Variants in TSG101 observed in about 807,000 individuals in gnomAD.
TSG101 encodes tumor susceptibility 101.
A neutral mutation model predicts 48.5 loss-of-function variants in TSG101; 19 were observed. The observed-to-expected ratio is 0.39, with a 90% confidence interval of 0.27 to 0.58. The LOEUF (loss-of-function observed/expected upper bound fraction) is 0.58, where lower values mean the gene tolerates loss of function less well. Among genes scored for constraint, TSG101 ranks in the 20% least tolerant of loss-of-function variants. TSG101 has a pLI of 0.55. For synonymous variants in TSG101, 174 were observed against 169.4 expected, an observed-to-expected ratio of 1.03 and a Z score of -0.21; for missense variants, 365 against 484.4, an observed-to-expected ratio of 0.75 and a Z score of 2.31.
At chr11:18,520,196 C>T (rs1850246356) in intron 1 of TSG101, among the ~76,000 whole-genome samples, 2 of 152,062 alleles carry the variant, frequency 1.3e-5, no homozygotes, top group South Asian at 2.1e-4. Flanking sequence ...TTGAGATTAT[C>T]CACGTTGTAG....
At chr11:18,493,278 C>A (rs1300879944) in intron 7 of TSG101, among the ~76,000 whole-genome samples, 1 of 152,186 alleles carries the variant, frequency 6.6e-6, no homozygotes, top group African/African-American at 2.4e-5. Flanking sequence ...CAACACTCTA[C>A]ACTCAATGGA....
chr11:18,487,743 C>T (rs1849640898), intron 7 of TSG101, among the ~76,000 whole-genome samples: 1 of 152,170 alleles, frequency 6.6e-6, no homozygotes, highest in African/African-American at 2.4e-5. Context: ...TGCTATAATT[C>T]CTGGTTTGTA....
At chr11:18,523,091 G>C (rs1442378291) in intron 1 of TSG101, among the ~76,000 whole-genome samples, 3 of 152,090 alleles carry the variant, frequency 2.0e-5, no homozygotes, top group African/African-American at 7.2e-5. Context: ...ACAAGGTCAT[G>C]CTATGTTGCC....
chr11:18,486,794 T>A (rs1849626590), intron 7 of TSG101, among the ~76,000 whole-genome samples: 1 of 152,132 alleles, frequency 6.6e-6, no homozygotes, highest in Non-Finnish European at 1.5e-5. Flanking sequence ...TTATAAATCA[T>A]GCTGCTATAA....
intron 5 of TSG101, chr11:18,507,614 G>A (rs1011004605): frequency 2.0e-5 from 3 of 151,516 alleles, no homozygotes; most frequent in African/African-American, 7.3e-5. Flanking sequence ...CAACATAGAG[G>A]AAGAAAAAGA....
At chr11:18,502,689 T>C (rs1036542742) in intron 6 of TSG101, 112 bp from the exon 7 acceptor site, 1 of 741,530 alleles carries the variant, frequency 1.3e-6, no homozygotes, top group Non-Finnish European at 2.2e-6. Flanking sequence ...TACCAGTTGA[T>C]GAATTTATAG....
At position 18,481,739 on chromosome 11, in the gene TSG101, TATA is replaced by T; in HGVS notation, c.971_973del (p.Leu324del). ...TGCATACAGATTCAGGATCTGTTTGTATAAGGGAGCTGTGGGAATGATAACTTC... is the reference window on the plus strand; with the variant it reads ...TGCATACAGATTCAGGATCTGTTTGTAGGGAGCTGTGGGAATGATAACTTC... On this transcript the variant is annotated inframe_deletion, in exon 9 of 10. Transcript: ENST00000251968. 1 of 1,614,182 alleles carries T rather than the reference TATA, an allele frequency of 6.2e-7. No homozygotes were observed. The highest frequency in any genetic ancestry group is 8.5e-7 in the Non-Finnish European group (1 of 1,180,010).
intron 9 of TSG101, 54 bp from the exon 10 acceptor site, chr11:18,480,689 G>A: frequency 1.3e-6 from 2 of 1,518,986 alleles, no homozygotes; most frequent in Non-Finnish European, 1.8e-6. Flanking sequence ...TTAGGCCCAG[G>A]CATAAAATAG....
intron 7 of TSG101, among the ~76,000 whole-genome samples, chr11:18,499,695 G>A (rs1333034375): frequency 6.6e-6 from 1 of 151,498 alleles, no homozygotes; most frequent in Non-Finnish European, 1.5e-5. Flanking sequence ...ACAGGTGTGA[G>A]CCACTGTGCC....
At chr11:18,526,652 A>G (rs998931083) in intron 1 of TSG101, 123 bp downstream of exon 1, 19 of 1,204,572 alleles carry the variant, frequency 1.6e-5, no homozygotes, top group African/African-American at 3.1e-5. Context: ...GGAGGTCGCT[A>G]AGGACTGCAC....
intron 7 of TSG101, among the ~76,000 whole-genome samples, chr11:18,496,482 TAAAA>T (rs1849783278): frequency 1.4e-5 from 2 of 147,692 alleles, no homozygotes; most frequent in African/African-American, 4.9e-5. Flanking sequence ...TAAAATAAAA[TAAAA>T]TAAAATAAAA....
rs370924761 is a variant in TSG101 at position 18,521,026 on chromosome 11, G to A, written c.43-1423C>T. ...AGCCTGGGTGACAGAGCTAGACTCC[G>A]TCTTGGAAAAAAAAAAAAAAAATTT... is the stretch of plus-strand genomic sequence containing the variant. On this transcript the variant is annotated intron_variant, in intron 1 of 9. Coordinates refer to ENST00000251968, the MANE Select transcript of TSG101 (RefSeq NM_006292.4). Among the ~76,000 whole-genome samples, 28 of 149,470 alleles carry A rather than the reference G, an allele frequency of 1.9e-4. No individual in the cohort carries two copies. The East Asian group carries it at 2.5e-3, about 14-fold the overall frequency.
At chr11:18,512,049 GA>G (rs1850092875) in intron 4 of TSG101, among the ~76,000 whole-genome samples, 1 of 151,934 alleles carries the variant, frequency 6.6e-6, no homozygotes, top group African/African-American at 2.4e-5. Flanking sequence ...ATTCTTTGAA[GA>G]AAAAAATTAA....
chr11:18,514,591 A>C, intron 4 of TSG101, 87 bp downstream of exon 4: 4 of 1,147,042 alleles, frequency 3.5e-6, no homozygotes, highest in Non-Finnish European at 4.7e-6. Flanking sequence ...CCTACCTCGA[A>C]TCCTCCTTGA....
chr11:18,484,935 CTTTTT>C (rs529154247), intron 7 of TSG101, among the ~76,000 whole-genome samples: 5 of 108,026 alleles, frequency 4.6e-5, no homozygotes, highest in Admixed American at 2.4e-4. Flanking sequence ...TAATTGCCGC[CTTTTT>C]TTTTTTTTTT....
intron 1 of TSG101, among the ~76,000 whole-genome samples, chr11:18,522,134 T>C (rs1232897171): frequency 2.0e-5 from 3 of 152,220 alleles, no homozygotes; most frequent in Non-Finnish European, 2.9e-5. Flanking sequence ...TTCTTCTCTA[T>C]CTAAACTCAT....
chr11:18,506,083 C>T lies in TSG101; in HGVS notation c.548+774G>A, dbSNP rs148951774. Among the ~76,000 whole-genome samples the T allele has an allele frequency of 2.2e-4, 33 of 152,192 alleles. 2 individuals are homozygous for T. Among genetic ancestry groups the T allele is most frequent in the African/African-American group, 7.9e-4 (33 of 41,540 alleles). On this transcript the variant is annotated intron_variant, in intron 6 of 9. Transcript: ENST00000251968. Reference sequence around the variant, plus strand: ...CAGGTGATCCGCCTGCATCGGCCTCCGAAAGTGCTGGGTAAGATTACAGGT... The same window carrying T: ...CAGGTGATCCGCCTGCATCGGCCTCTGAAAGTGCTGGGTAAGATTACAGGT...
rs780491720 is a variant in TSG101 at position 18,502,543 on chromosome 11, G to C, written c.583C>G (p.Pro195Ala). 7.4e-6 allele frequency: 12 copies of C among 1,613,082 alleles called. No individual in the cohort carries two copies. The highest frequency in any genetic ancestry group is 9.3e-6 in the Non-Finnish European group (11 of 1,179,624). Residue 195 changes from proline to alanine, a missense_variant, in exon 7 of 10, where the codon CCA becomes GCA. Pro to Ala is a conservative substitution (Grantham distance 27, BLOSUM62 -1). Coordinates refer to ENST00000251968, the MANE Select transcript of TSG101 (RefSeq NM_006292.4). ...TGAGAACTTGTTGTGGCAGGATATG[G>C]ACCACCAGGTGGGTAAGGACAGCCT... ...YPGCPYPPGG[P>A]YPATTSSQYP...
chr11:18,503,053 A>T (rs1293899821), intron 6 of TSG101, among the ~76,000 whole-genome samples: 2 of 151,506 alleles, frequency 1.3e-5, no homozygotes, highest in East Asian at 1.9e-4. Context: ...TCTTTAGTTT[A>T]AAAAAAAACC....
Sources: gnomAD v4.1 joint callset for allele counts (sites outside exome capture counted in the v4.1 genomes callset) on GRCh38, gnomAD v4.1.1 for gene constraint, MANE v1.5 for transcripts, NCBI Gene and HGNC (gene_info 2026-07-23, HGNC 2026-07-21) for gene names.